ASF1B: variants seen among roughly 807,000 people sequenced by gnomAD.
The protein encoded by ASF1B is histone chaperone ASF1B.
In ASF1B, 10 loss-of-function variants were observed where a neutral mutation model predicts 16.6. The ratio of observed to expected loss-of-function variants is 0.60; its 90% CI spans 0.37 to 1.02. The LOEUF (loss-of-function observed/expected upper bound fraction) is 1.02, where lower values mean the gene tolerates loss of function less well. ASF1B is among the 50% of genes least tolerant of loss of function. ASF1B has a pLI of 0.01. For missense variants in ASF1B, 240 were observed against 266.0 expected, an observed-to-expected ratio of 0.90 and a Z score of 0.68; for synonymous variants, 101 against 106.2, an observed-to-expected ratio of 0.95 and a Z score of 0.30.
chr19:14,124,163 GT>G (rs1352672112), intron 2 of ASF1B, among the ~76,000 whole-genome samples: 2 of 151,568 alleles, frequency 1.3e-5, no homozygotes, highest in Non-Finnish European at 2.9e-5. Context: ...CCTGGTTAAT[GT>G]TTTTTTTGTA....
In ASF1B at chr19:14,136,335, G is replaced by T. The variant is rs747695309; in HGVS notation, c.109+13C>A. The T allele has an allele frequency of 2.5e-6, 4 of 1,611,150 alleles. No homozygotes were observed. The highest frequency in any genetic ancestry group is 4.5e-5 in the East Asian group (2 of 44,820). Reference sequence around the variant, plus strand: ...GCCCGGGGGTGGGGGTCCCCGCACAGGCCCAGCCTCACCGTCCGCCAGGGC... The same window carrying T: ...GCCCGGGGGTGGGGGTCCCCGCACATGCCCAGCCTCACCGTCCGCCAGGGC... On this transcript the variant is annotated intron_variant, in intron 1 of 3. Coordinates refer to ENST00000263382, the MANE Select transcript of ASF1B (RefSeq NM_018154.3).
chr19:14,135,221 C>CA (rs34683519), intron 1 of ASF1B, among the ~76,000 whole-genome samples: 3,724 of 54,080 alleles, frequency 0.069, 188 homozygotes, highest in African/African-American at 0.15. Flanking sequence ...GAGACTGTCT[C>CA]AAAAAAAAAA....
Position 14,121,619 on chromosome 19 carries a change from C to T in ASF1B, c.315G>A (p.Glu105=). The change falls in exon 3 of 4, where the codon GAG becomes GAA. Residue 105 remains glutamate, a synonymous_variant. Transcript: ENST00000263382. ...TGACGTAGTAGCCCACTCGGATGAA[C>T]TCCTGTCCATGGTAGGTGCAGGTGA... ...VLITCTYHGQ[E]FIRVGYYVNN... is the part of the protein sequence containing the mutation. 6.2e-7 allele frequency: 1 copy of T among 1,614,058 alleles called. No homozygotes were observed. Among genetic ancestry groups the T allele is most frequent in the Non-Finnish European group, 8.5e-7 (1 of 1,180,016 alleles).
intron 1 of ASF1B, among the ~76,000 whole-genome samples, chr19:14,133,822 G>A (rs1316484739): frequency 4.6e-3 from 90 of 19,422 alleles, no homozygotes; most frequent in African/African-American, 0.019. Flanking sequence ...TTTTTTTTTT[G>A]AGACGGAGTC....
At chr19:14,124,651 T>G (rs537660240) in intron 2 of ASF1B, among the ~76,000 whole-genome samples, 12 of 152,164 alleles carry the variant, frequency 7.9e-5, no homozygotes, top group Non-Finnish European at 1.8e-4. Context: ...ACCATGCCTG[T>G]TCCCACCTAG....
At chr19:14,126,826 C>G (rs1028799570) in intron 1 of ASF1B, among the ~76,000 whole-genome samples, 2 of 152,138 alleles carry the variant, frequency 1.3e-5, no homozygotes, top group African/African-American at 4.8e-5. Flanking sequence ...AAGCTGGTAT[C>G]CAACTCCTGA....
At position 14,136,399 on chromosome 19, in the gene ASF1B, T is replaced by C. The variant is rs1967502153; in HGVS notation, c.58A>G (p.Ser20Gly). 6.2e-7 allele frequency: 1 copy of C among 1,613,664 alleles called. No homozygotes were observed. Among genetic ancestry groups the C allele is most frequent in the Non-Finnish European group, 8.5e-7 (1 of 1,179,710 alleles). ...AAGCTGATCTCGAACCGGAAGGGGC[T>C]GTGGAAAGGGCTCGGGTTCTCCAGG... The part of the protein sequence containing the change: ...AVLENPSPFH[S>G]PFRFEISFEC... The change falls in exon 1 of 4, where the codon AGC becomes GGC. Residue 20 changes from serine (S) to glycine (G), a missense_variant. Ser to Gly is a moderately conservative substitution (Grantham distance 56, BLOSUM62 0). Transcript: ENST00000263382.
Position 14,121,716 on chromosome 19 carries a change from A to T in ASF1B, c.226-8T>A, listed in dbSNP as rs751327755. Reference sequence around the variant, plus strand: ...TGGGTTGGGGGCGTCGGCCTAGGGGAGACACATCCTAGGCCTTAGCAGTGC... The same window carrying T: ...TGGGTTGGGGGCGTCGGCCTAGGGGTGACACATCCTAGGCCTTAGCAGTGC... On this transcript the variant is annotated splice_region_variant and splice_polypyrimidine_tract_variant and intron_variant, in intron 2 of 3. Coordinates refer to ENST00000263382, the MANE Select transcript of ASF1B (RefSeq NM_018154.3). 1.9e-6 allele frequency: 3 copies of T among 1,611,338 alleles called. No homozygotes were observed. The highest frequency in any genetic ancestry group is 2.5e-6 in the Non-Finnish European group (3 of 1,178,430).
At chr19:14,123,925 G>A (rs1203745605) in intron 2 of ASF1B, among the ~76,000 whole-genome samples, 2 of 151,888 alleles carry the variant, frequency 1.3e-5, no homozygotes, top group Non-Finnish European at 2.9e-5. Context: ...CGAGTAGCTA[G>A]GATAACAAAT....
At chr19:14,131,711 T>G (rs531673723) in intron 1 of ASF1B, among the ~76,000 whole-genome samples, 1 of 151,530 alleles carries the variant, frequency 6.6e-6, no homozygotes, top group Non-Finnish European at 1.5e-5. Context: ...CTCGAACTTC[T>G]GACCTCAGGT....
Position 14,136,537 on chromosome 19 carries a change from G to T in ASF1B, c.-81C>A. On this transcript the variant is annotated 5_prime_UTR_variant, in exon 1 of 4. Coordinates refer to ENST00000263382, the MANE Select transcript of ASF1B (RefSeq NM_018154.3). ...GCGCCTGGGTCCGGTGGGGTCAGTG[G>T]GGTAGGGCTGACCAGGTCCACTCCC... 1.6e-6 allele frequency: 2 copies of T among 1,218,024 alleles called. No homozygotes were observed. The highest frequency in any genetic ancestry group is 4.4e-5 in the Admixed American group (2 of 45,722). 75.5% of individuals were successfully genotyped at this position (1,218,024 alleles called of 1,614,324 possible).
intron 1 of ASF1B, among the ~76,000 whole-genome samples, chr19:14,129,029 G>C (rs1967358834): frequency 6.6e-6 from 1 of 152,094 alleles, no homozygotes; most frequent in African/African-American, 2.4e-5. Context: ...CCTAAACAAA[G>C]AGCATGTGGA....
chr19:14,121,640 G>C lies in ASF1B; in HGVS notation c.294C>G (p.Thr98=), dbSNP rs371602937. The C allele has an allele frequency of 3.1e-6, 5 of 1,614,004 alleles. No homozygotes were observed. Among genetic ancestry groups the C allele is most frequent in the Non-Finnish European group, 4.2e-6 (5 of 1,179,994 alleles). Residue 98 remains threonine (T), a synonymous_variant, in exon 3 of 4, where the codon ACC becomes ACG. Transcript: ENST00000263382. ...DAVGVTVVLI[T]CTYHGQEFIR... Reference sequence around the variant, plus strand: ...TGAACTCCTGTCCATGGTAGGTGCAGGTGATGAGGACCACAGTCACACCCA... The same window carrying C: ...TGAACTCCTGTCCATGGTAGGTGCACGTGATGAGGACCACAGTCACACCCA...
rs777126137 is a variant in ASF1B at position 14,126,215 on chromosome 19, A to G, written c.132T>C (p.Tyr44=). 3 of 1,613,338 alleles carry G rather than the reference A, an allele frequency of 1.9e-6. No individual in the cohort carries two copies. The highest frequency in any genetic ancestry group is 2.2e-5 in the South Asian group (2 of 91,088). Residue 44 remains tyrosine, a synonymous_variant, in exon 2 of 4, where the codon TAT becomes TAC. Transcript: ENST00000263382. The stretch of plus-strand genomic sequence containing the variant: ...ATTCCTCACTCTCAGCCGAGCCAAC[A>G]TAAATGATCTTCCACTCCAGGTCTG... The part of the protein sequence containing the change: ...LADDLEWKII[Y]VGSAESEEFD...
chr19:14,132,851 G>A (rs1257530831), intron 1 of ASF1B, among the ~76,000 whole-genome samples: 2 of 151,302 alleles, frequency 1.3e-5, no homozygotes, highest in Admixed American at 6.6e-5. Flanking sequence ...ATAATCATAC[G>A]ACGGGCACGG....
intron 2 of ASF1B, among the ~76,000 whole-genome samples, chr19:14,123,376 TTC>T (rs1967268791): frequency 6.8e-6 from 1 of 147,758 alleles, no homozygotes; most frequent in Non-Finnish European, 1.5e-5. Context: ...TTTTTCTTTC[TTC>T]TTTTTTTTTT....
chr19:14,130,816 A>G lies in ASF1B; in HGVS notation c.110-4579T>C, dbSNP rs1599359632. 4.8e-5 allele frequency among the ~76,000 whole-genome samples: 7 copies of G among 145,482 alleles called. No homozygotes were observed. The South Asian group carries it at 1.1e-3, about 22-fold the overall frequency. ...ATATATATATATATATATATAAATGATAAGACTAAAGACATGTACACAATT... is the reference window on the plus strand; with the variant it reads ...ATATATATATATATATATATAAATGGTAAGACTAAAGACATGTACACAATT... On this transcript the variant is annotated intron_variant, in intron 1 of 3. Coordinates refer to ENST00000263382, the MANE Select transcript of ASF1B (RefSeq NM_018154.3).
At chr19:14,131,422 C>T (rs1355191374) in intron 1 of ASF1B, among the ~76,000 whole-genome samples, 1 of 151,312 alleles carries the variant, frequency 6.6e-6, no homozygotes, top group Non-Finnish European at 1.5e-5. Context: ...ACCTTGTGAT[C>T]CATCCGCCTC....
chr19:14,129,168 C>T (rs1250298453), intron 1 of ASF1B, among the ~76,000 whole-genome samples: 1 of 152,120 alleles, frequency 6.6e-6, no homozygotes, highest in East Asian at 1.9e-4. Context: ...GTTGGAGGAT[C>T]GCTTGAGCCT....
Sources: gnomAD v4.1 joint callset for allele counts (sites outside exome capture counted in the v4.1 genomes callset) on GRCh38, gnomAD v4.1.1 for gene constraint, MANE v1.5 for transcripts, NCBI Gene and HGNC (gene_info 2026-07-23, HGNC 2026-07-21) for gene names.